The following DIP2C variants were observed in gnomAD, a reference collection of about 807,000 sequenced individuals.
DIP2C encodes DIP2 acetate--CoA ligase C (putative).
A neutral mutation model predicts 192.4 loss-of-function variants in DIP2C; 33 were observed. The observed-to-expected ratio is 0.17, with a 90% CI of 0.13 to 0.23. DIP2C has a LOEUF of 0.23. DIP2C is among the 10% of genes least tolerant of loss of function. The probability of loss-of-function intolerance (pLI) is 1.00; values close to 1 mark genes in which losing one functional copy is unlikely to be tolerated. For synonymous variants in DIP2C, 979 were observed against 864.1 expected (o/e 1.13, Z -2.33); for missense variants, 1,537 against 2,110.1 (o/e 0.73, Z 5.32).
At chr10:474,951 T>C (rs146590291) in intron 2 of DIP2C, among the ~76,000 whole-genome samples, 25 of 152,254 alleles carry the variant, frequency 1.6e-4, no homozygotes, top group Admixed American at 3.9e-4. Context: ...TCGATAATCT[T>C]TTTGCTGCAA....
At chr10:671,820 G>GAAACGCCACAGACGCACGGACGGAC (rs1830659008) in intron 1 of DIP2C, among the ~76,000 whole-genome samples, 1 of 80,662 alleles carries the variant, frequency 1.2e-5, no homozygotes, top group Non-Finnish European at 2.6e-5. Context: ...CACGGACGGA[G>GAAACGCCACAGACGCACGGACGGAC]GAAACGCCAC....
chr10:633,352 G>A (rs1038923493), intron 1 of DIP2C, among the ~76,000 whole-genome samples: 6 of 152,220 alleles, frequency 3.9e-5, no homozygotes, highest in Admixed American at 6.5e-5. Context: ...TTCACATTCC[G>A]GCGGTGCCAT....
intron 1 of DIP2C, among the ~76,000 whole-genome samples, chr10:595,399 GACC>G (rs750635767): frequency 6.3e-4 from 96 of 152,226 alleles, no homozygotes; most frequent in Non-Finnish European, 9.6e-4. Context: ...AATAAAATAT[GACC>G]ACAACCTTTT....
intron 31 of DIP2C, among the ~76,000 whole-genome samples, chr10:316,400 G>C (rs1402774362): frequency 2.0e-5 from 3 of 152,190 alleles, no homozygotes; most frequent in Non-Finnish European, 4.4e-5. Flanking sequence ...TTTCCAAACA[G>C]TAGGAGACCT....
intron 1 of DIP2C, among the ~76,000 whole-genome samples, chr10:603,196 G>A (rs1464279210): frequency 1.3e-5 from 2 of 149,268 alleles, no homozygotes; most frequent in African/African-American, 4.9e-5. Flanking sequence ...CAATTTGGAG[G>A]CTGAGGCAGG....
chr10:491,404 A>AT (rs1649291032), intron 1 of DIP2C, among the ~76,000 whole-genome samples: 1 of 152,206 alleles, frequency 6.6e-6, no homozygotes, highest in African/African-American at 2.4e-5. Context: ...CTCTGAGCCT[A>AT]TTGCTTTATA....
intron 4 of DIP2C, among the ~76,000 whole-genome samples, chr10:427,897 T>C (rs1966697904): frequency 6.6e-6 from 1 of 152,306 alleles, no homozygotes; most frequent in South Asian, 2.1e-4. Context: ...GAGTCAATCA[T>C]TCTACTTGGC....
Position 326,404 on chromosome 10 carries a change from G to C in DIP2C, c.3924+602C>G, listed in dbSNP as rs111460764. On this transcript the variant is annotated intron_variant, in intron 31 of 36. Transcript: ENST00000280886. The stretch of plus-strand genomic sequence containing the variant: ...AAGTAGGATAGGGGGTGGGGAGAGG[G>C]AGGTGGAGGGATGCACACCAACCGT... Among the ~76,000 whole-genome samples, 812 of 152,204 alleles carry C rather than the reference G, an allele frequency of 5.3e-3. 4 individuals carry two copies. The highest frequency in any genetic ancestry group is 9.6e-3 in the Non-Finnish European group (655 of 68,022).
At chr10:627,720 G>GC (rs1480517463) in intron 1 of DIP2C, among the ~76,000 whole-genome samples, 1 of 152,274 alleles carries the variant, frequency 6.6e-6, no homozygotes, top group African/African-American at 2.4e-5. Flanking sequence ...GGCCGTGCAC[G>GC]CAAGAGCGAG....
intron 1 of DIP2C, chr10:662,718 T>A: frequency 1.7e-6 from 1 of 591,968 alleles, no homozygotes. Context: ...ATATACAATG[T>A]TTGAGGAAAT....
At chr10:456,688 C>A (rs985205553) in intron 3 of DIP2C, among the ~76,000 whole-genome samples, 2 of 152,196 alleles carry the variant, frequency 1.3e-5, no homozygotes, top group East Asian at 1.9e-4. Flanking sequence ...CCACGGCCAC[C>A]GTTTGTCTCC....
At chr10:439,013 A>AAATGT (rs1439016971) in intron 4 of DIP2C, among the ~76,000 whole-genome samples, 10 of 152,070 alleles carry the variant, frequency 6.6e-5, no homozygotes, top group Non-Finnish European at 1.0e-4. Flanking sequence ...GGTGGAGACA[A>AAATGT]AATGTACAAA....
intron 1 of DIP2C, among the ~76,000 whole-genome samples, chr10:491,445 G>A (rs1057047822): frequency 3.3e-5 from 5 of 152,224 alleles, no homozygotes; most frequent in African/African-American, 1.2e-4. Flanking sequence ...AGGCAAGGCC[G>A]CAGCCTCGTT....
chr10:505,991 G>A (rs771522841), intron 1 of DIP2C, among the ~76,000 whole-genome samples: 1 of 152,184 alleles, frequency 6.6e-6, no homozygotes, highest in Non-Finnish European at 1.5e-5. Flanking sequence ...GAAATCCAGG[G>A]GATTAGGAAC....
At position 277,574 on chromosome 10, in the gene DIP2C, A is replaced by G. The variant is rs1954578802; in HGVS notation, c.4422T>C (p.Ala1474=). 1 of 1,613,488 alleles carries G rather than the reference A, an allele frequency of 6.2e-7. No homozygotes were observed. The highest frequency in any genetic ancestry group is 2.2e-5 in the East Asian group (1 of 44,880). ...CCAACAAATTTGTCCAGGTAAACAC[A>G]GCACTAAAAGACAGAAAAGAAAGCC... ...IRAHKSVTEC[A]VFTWTNLLVV... The change falls in exon 37 of 37, where the codon GCT becomes GCC. Residue 1474 remains alanine, a synonymous_variant. Coordinates refer to ENST00000280886, the MANE Select transcript of DIP2C (RefSeq NM_014974.3).
intron 1 of DIP2C, among the ~76,000 whole-genome samples, chr10:643,235 C>A (rs1855291381): frequency 7.1e-6 from 1 of 140,892 alleles, no homozygotes; most frequent in Admixed American, 7.1e-5. Context: ...AAAAAACAGG[C>A]CGGGCACGGT....
chr10:567,988 C>G (rs1849549395), intron 1 of DIP2C, among the ~76,000 whole-genome samples: 1 of 152,146 alleles, frequency 6.6e-6, no homozygotes, highest in African/African-American at 2.4e-5. Flanking sequence ...ACATCCACGT[C>G]CCACCGAGCT....
At chr10:479,464 G>C (rs1843427360) in intron 2 of DIP2C, among the ~76,000 whole-genome samples, 1 of 151,802 alleles carries the variant, frequency 6.6e-6, no homozygotes, top group South Asian at 2.1e-4. Context: ...GTCCCGAGGA[G>C]CTGGAATTAC....
At chr10:393,829 A>AAGGAAAAGG (rs1160209734) in intron 10 of DIP2C, among the ~76,000 whole-genome samples, 4 of 149,708 alleles carry the variant, frequency 2.7e-5, no homozygotes, top group African/African-American at 9.9e-5. Flanking sequence ...GGAAAAGGAA[A>AAGGAAAAGG]AAAAAAAAAA....
Sources: allele counts gnomAD v4.1 joint callset (sites outside exome capture counted in the v4.1 genomes callset), GRCh38; gene constraint gnomAD v4.1.1; transcripts MANE v1.5; gene names NCBI Gene and HGNC (gene_info 2026-07-23, HGNC 2026-07-21).